The following CDC42BPA variants were observed in gnomAD, a reference collection of about 807,000 sequenced individuals.
CDC42BPA encodes the protein serine/threonine-protein kinase MRCK alpha.
CDC42BPA carries 80 observed loss-of-function variants against 223.5 expected under a neutral mutation model. The ratio of observed to expected loss-of-function variants is 0.36; its 90% CI spans 0.30 to 0.43. CDC42BPA has a LOEUF of 0.43. Among genes scored for constraint, CDC42BPA ranks in the 20% least tolerant of loss-of-function variants. The pLI is 1.00. For missense variants in CDC42BPA, 1,743 were observed against 2,099.9 expected (o/e 0.83, Z 3.32); for synonymous variants, 694 against 718.6 (o/e 0.97, Z 0.55).
intron 5 of CDC42BPA, among the ~76,000 whole-genome samples, chr1:227,166,888 T>C (rs1048108386): frequency 5.3e-5 from 8 of 152,012 alleles, no homozygotes; most frequent in African/African-American, 1.9e-4. Context: ...TCATTCAAAC[T>C]TGGGGGAGGG....
At chr1:227,226,204 G>C (rs1431755557) in intron 2 of CDC42BPA, among the ~76,000 whole-genome samples, 1 of 152,180 alleles carries the variant, frequency 6.6e-6, no homozygotes. Context: ...AGGCTGGCTG[G>C]AAACCTTAAG....
At chr1:227,162,944 CCAAA>C (rs1233065454) in intron 5 of CDC42BPA, among the ~76,000 whole-genome samples, 1 of 142,840 alleles carries the variant, frequency 7.0e-6, no homozygotes, top group Non-Finnish European at 1.5e-5. Context: ...GTGTGTGTTT[CCAAA>C]CATATATGTT....
chr1:227,258,032 A>T (rs2813965), intron 1 of CDC42BPA, among the ~76,000 whole-genome samples: 1 of 149,936 alleles, frequency 6.7e-6, no homozygotes, highest in Non-Finnish European at 1.5e-5. Flanking sequence ...AAAATCGGCC[A>T]GACACGGTGG....
intron 15 of CDC42BPA, among the ~76,000 whole-genome samples, chr1:227,094,475 C>T (rs1463043059): frequency 6.6e-6 from 1 of 152,198 alleles, no homozygotes; most frequent in Non-Finnish European, 1.5e-5. Context: ...TCAGCCCAGC[C>T]CTTGCCTCCT....
chr1:227,017,626 A>G (rs1666554391), intron 32 of CDC42BPA, among the ~76,000 whole-genome samples: 1 of 152,108 alleles, frequency 6.6e-6, no homozygotes, highest in African/African-American at 2.4e-5. Flanking sequence ...ATCTGTCGCT[A>G]TTTTTCCTCT....
At chr1:227,195,430 C>A (rs573729684) in intron 4 of CDC42BPA, among the ~76,000 whole-genome samples, 1 of 152,130 alleles carries the variant, frequency 6.6e-6, no homozygotes, top group African/African-American at 2.4e-5. Context: ...CTGACCTGGA[C>A]GTCCCAAAGT....
chr1:227,205,879 T>A lies in CDC42BPA; in HGVS notation c.355-6227A>T, dbSNP rs1672630898. Among the ~76,000 whole-genome samples, 4 of 152,082 alleles carry A rather than the reference T, an allele frequency of 2.6e-5. No individual in the cohort carries two copies. The South Asian group carries it at 8.3e-4, about 32-fold the overall frequency. ...GCCTGAGCAATATAGTGAGACCCCA[T>A]CTCTAAAGAAAATACAAAAATTAGC... is the stretch of plus-strand genomic sequence containing the variant. On this transcript the variant is annotated intron_variant, in intron 3 of 36. Transcript: ENST00000366766.
At chr1:227,111,192 A>T (rs951973427) in intron 14 of CDC42BPA, among the ~76,000 whole-genome samples, 1 of 152,228 alleles carries the variant, frequency 6.6e-6, no homozygotes, top group Non-Finnish European at 1.5e-5. Flanking sequence ...CACTAGACTA[A>T]GCATGGTCCT....
At chr1:227,111,665 T>C (rs1383859202) in intron 14 of CDC42BPA, among the ~76,000 whole-genome samples, 2 of 152,072 alleles carry the variant, frequency 1.3e-5, no homozygotes, top group African/African-American at 4.8e-5. Context: ...GTATTTTTAG[T>C]AGAGATGGGG....
chr1:227,030,677 T>G (rs186442099), intron 28 of CDC42BPA, among the ~76,000 whole-genome samples: 1 of 152,250 alleles, frequency 6.6e-6, no homozygotes, highest in African/African-American at 2.4e-5. Context: ...ATATCAATAC[T>G]TACAAAAAGA....
Position 227,073,927 on chromosome 1 carries a change from CT to C in CDC42BPA, c.2671del (p.Arg891GlufsTer10), listed in dbSNP as rs778577984. ...ELQSALDAEI[R>X]AKQAIQEELN... The stretch of plus-strand genomic sequence containing the variant: ...CTCTTCTTGGATGGCCTGTTTGGCT[CT>C]TATTTCTGCATCCAGAGCCGACTGC... On this transcript the variant is annotated frameshift_variant, in exon 19 of 37. Transcript: ENST00000366766. LOFTEE classifies it high-confidence loss of function. The C allele has an allele frequency of 1.9e-6, 3 of 1,611,112 alleles. No homozygotes were observed. In the African/African-American group the frequency reaches 4.0e-5, roughly 22 times the overall value.
rs74766485 is a variant in CDC42BPA at position 227,110,893 on chromosome 1, A to T, written c.2001+1419T>A. ...TTTGACTTGCAACCACTGAAATTCA[A>T]TTGTCAGACAAAGTAAGCTCTGACC... On this transcript the variant is annotated intron_variant, in intron 14 of 36. Transcript: ENST00000366766. 2.5e-3 allele frequency among the ~76,000 whole-genome samples: 387 copies of T among 152,340 alleles called. 9 individuals are homozygous for T. The East Asian group carries it at 0.047, about 18-fold the overall frequency.
intron 11 of CDC42BPA, among the ~76,000 whole-genome samples, chr1:227,120,560 T>C (rs1165480249): frequency 6.6e-6 from 1 of 152,202 alleles, no homozygotes; most frequent in Non-Finnish European, 1.5e-5. Context: ...TTGCACTGAC[T>C]TTTCCACCTT....
intron 4 of CDC42BPA, among the ~76,000 whole-genome samples, chr1:227,194,942 GAAATTA>G (rs1435616289): frequency 1.4e-5 from 2 of 147,318 alleles, no homozygotes; most frequent in East Asian, 4.0e-4. Context: ...TGAATGCCTT[GAAATTA>G]AGGTTTTATT....
At chr1:227,155,267 CACTGT>C (rs1662525488) in intron 6 of CDC42BPA, among the ~76,000 whole-genome samples, 1 of 152,140 alleles carries the variant, frequency 6.6e-6, no homozygotes, top group Admixed American at 6.5e-5. Flanking sequence ...TTAACAGCAA[CACTGT>C]AAGTTAAAAG....
intron 21 of CDC42BPA, among the ~76,000 whole-genome samples, chr1:227,060,235 GT>G (rs1409820864): frequency 6.6e-6 from 1 of 151,964 alleles, no homozygotes; most frequent in African/African-American, 2.4e-5. Context: ...GTTTCACCAT[GT>G]TAGCCAGGAT....
intron 1 of CDC42BPA, among the ~76,000 whole-genome samples, chr1:227,312,928 G>GC (rs1294342396): frequency 6.6e-6 from 1 of 152,070 alleles, no homozygotes; most frequent in Non-Finnish European, 1.5e-5. Flanking sequence ...TACCATGATT[G>GC]CAAGTTTCCT....
intron 6 of CDC42BPA, among the ~76,000 whole-genome samples, chr1:227,155,311 G>A (rs571362578): frequency 3.9e-5 from 6 of 152,104 alleles, no homozygotes; most frequent in Non-Finnish European, 8.8e-5. Flanking sequence ...AATTCTAAGA[G>A]GAAAATAGTT....
chr1:227,161,227 T>G (rs1329835684), intron 5 of CDC42BPA, among the ~76,000 whole-genome samples: 1 of 152,200 alleles, frequency 6.6e-6, no homozygotes, highest in Non-Finnish European at 1.5e-5. Flanking sequence ...CTAAACTATA[T>G]CATATACCAG....
Sources: gnomAD v4.1 joint callset for allele counts (sites outside exome capture counted in the v4.1 genomes callset) on GRCh38, gnomAD v4.1.1 for gene constraint, MANE v1.5 for transcripts, NCBI Gene and HGNC (gene_info 2026-07-23, HGNC 2026-07-21) for gene names.